NAV3: variants seen among roughly 807,000 people sequenced by gnomAD.
NAV3 encodes the protein neuron navigator 3.
In NAV3, 87 loss-of-function variants were observed where a neutral mutation model predicts 244.7. The ratio of observed to expected loss-of-function variants is 0.36; its 90% CI spans 0.30 to 0.42. The LOEUF (loss-of-function observed/expected upper bound fraction) is 0.42. NAV3 is among the 20% of genes least tolerant of loss of function. The probability of loss-of-function intolerance (pLI) is 1.00; values close to 1 mark genes in which losing one functional copy is unlikely to be tolerated. For missense variants in NAV3, 2,663 were observed against 2,893.3 expected (o/e 0.92, Z 1.83); for synonymous variants, 1,126 against 1,042.2 (o/e 1.08, Z -1.55).
At chr12:77,708,731 G>T (rs1205923189) in intron 2 of NAV3, among the ~76,000 whole-genome samples, 1 of 152,122 alleles carries the variant, frequency 6.6e-6, no homozygotes. Flanking sequence ...CCTCTTTTAT[G>T]TTGTTGAGCA....
Position 78,013,347 on chromosome 12 carries a change from A to T in NAV3, c.1907+5902A>T, listed in dbSNP as rs1455941705. Among the ~76,000 whole-genome samples, 3 of 152,134 alleles carry T rather than the reference A, an allele frequency of 2.0e-5. No individual in the cohort carries two copies. The South Asian group carries it at 6.2e-4, about 31-fold the overall frequency. On this transcript the variant is annotated intron_variant, in intron 8 of 39. Coordinates refer to ENST00000397909, the MANE Select transcript of NAV3 (RefSeq NM_001024383.2). Reference sequence around the variant, plus strand: ...TCCCCAGGAGTGAAATAGATTTGTTATACTGAGGCTTCAAAAAAGTGAAAA... The same window carrying T: ...TCCCCAGGAGTGAAATAGATTTGTTTTACTGAGGCTTCAAAAAAGTGAAAA...
chr12:78,206,571 A>G lies in NAV3; in HGVS notation c.7038+1433A>G, dbSNP rs148451534. 2.9e-3 allele frequency among the ~76,000 whole-genome samples: 444 copies of G among 152,226 alleles called. 1 individual carries two copies. The highest frequency in any genetic ancestry group is 0.01 in the African/African-American group (417 of 41,564). On this transcript the variant is annotated intron_variant, in intron 39 of 39. Transcript: ENST00000397909. Reference sequence around the variant, plus strand: ...TGCCCACAACTTTCCCAATTCTCATAGTCCAGCTCAGCTCACCCCATAAAG... The same window carrying G: ...TGCCCACAACTTTCCCAATTCTCATGGTCCAGCTCAGCTCACCCCATAAAG...
chr12:77,653,026 TAAA>T (rs879428956), intron 2 of NAV3, among the ~76,000 whole-genome samples: 18 of 151,016 alleles, frequency 1.2e-4, no homozygotes, highest in Admixed American at 1.2e-3. Context: ...CCTAGTCAAA[TAAA>T]TTTAAGAAAC....
chr12:77,909,953 T>G (rs142361367), intron 1 of NAV3, among the ~76,000 whole-genome samples: 2,663 of 152,166 alleles, frequency 0.018, 36 homozygotes, highest in Non-Finnish European at 0.03. Flanking sequence ...TTAAATGCCT[T>G]TGTTGTTTTC....
intron 5 of NAV3, among the ~76,000 whole-genome samples, chr12:77,989,275 G>A (rs1871060739): frequency 6.6e-6 from 1 of 152,046 alleles, no homozygotes; most frequent in African/African-American, 2.4e-5. Context: ...CATAAAAACG[G>A]GATGGCAGTA....
chr12:78,086,320 T>C (rs1337574824), intron 12 of NAV3, among the ~76,000 whole-genome samples: 1 of 152,104 alleles, frequency 6.6e-6, no homozygotes, highest in Non-Finnish European at 1.5e-5. Context: ...TTTTGAAAAT[T>C]TTATTGACAA....
At chr12:77,738,608 G>C (rs1289623692) in intron 2 of NAV3, among the ~76,000 whole-genome samples, 3 of 152,144 alleles carry the variant, frequency 2.0e-5, no homozygotes, top group Non-Finnish European at 1.5e-5. Context: ...GATTACACAG[G>C]CATATGCATT....
intron 2 of NAV3, among the ~76,000 whole-genome samples, chr12:77,650,523 C>A (rs1415355931): frequency 6.6e-6 from 1 of 152,048 alleles, no homozygotes; most frequent in Non-Finnish European, 1.5e-5. Context: ...TAGCCCAATG[C>A]AGGATTTTAA....
intron 9 of NAV3, among the ~76,000 whole-genome samples, chr12:78,049,160 A>G (rs1478182556): frequency 6.6e-6 from 1 of 152,146 alleles, no homozygotes; most frequent in Non-Finnish European, 1.5e-5. Context: ...TGGGCTCCAC[A>G]GGGGTGGGAT....
chr12:77,633,568 T>C (rs1447599706), intron 2 of NAV3, among the ~76,000 whole-genome samples: 1 of 152,034 alleles, frequency 6.6e-6, no homozygotes, highest in African/African-American at 2.4e-5. Context: ...TCTCAGACAG[T>C]TTCAAAATAT....
chr12:78,159,515 A>C (rs927197052), intron 23 of NAV3, among the ~76,000 whole-genome samples: 1 of 151,934 alleles, frequency 6.6e-6, no homozygotes, highest in Non-Finnish European at 1.5e-5. Flanking sequence ...AACACACACA[A>C]AAAATTAGCT....
At chr12:78,087,900 G>C (rs1286889316) in intron 12 of NAV3, among the ~76,000 whole-genome samples, 1 of 151,684 alleles carries the variant, frequency 6.6e-6, no homozygotes, top group African/African-American at 2.4e-5. Context: ...TAATTAATAT[G>C]AACTATTATG....
rs117461573 is a variant in NAV3 at position 77,692,530 on chromosome 12, A to T, written c.72+120264A>T. Among the ~76,000 whole-genome samples, 39 of 152,218 alleles carry T rather than the reference A, an allele frequency of 2.6e-4. No individual in the cohort carries two copies. In the East Asian group the frequency reaches 7.4e-3, roughly 29 times the overall value. ...CTTTACTAAGCATGGGGTATGATAC[A>T]GTAAACCTCGCTCTATGCACTAATC... On this transcript the variant is annotated intron_variant, in intron 2 of 8. Transcript: ENST00000550042.
chr12:77,985,331 G>A (rs539580593), intron 5 of NAV3, among the ~76,000 whole-genome samples: 2 of 152,234 alleles, frequency 1.3e-5, no homozygotes, highest in African/African-American at 4.8e-5. Context: ...TCAGAATAAC[G>A]AGAACACTGA....
chr12:78,071,727 A>G (rs300422), intron 12 of NAV3, among the ~76,000 whole-genome samples: 56,684 of 151,818 alleles, frequency 0.37, 10,650 homozygotes, highest in African/African-American at 0.43. Flanking sequence ...TTATTAAATA[A>G]GGAATCCTTT....
intron 3 of NAV3, among the ~76,000 whole-genome samples, chr12:77,961,387 T>C (rs969177263): frequency 1.7e-5 from 1 of 58,362 alleles, no homozygotes; most frequent in Non-Finnish European, 4.9e-5. Flanking sequence ...TTAATATAAA[T>C]ACATTATATA....
At chr12:77,589,922 T>C (rs11105813) in intron 2 of NAV3, among the ~76,000 whole-genome samples, 27,873 of 152,274 alleles carry the variant, frequency 0.18, 2,878 homozygotes, top group Admixed American at 0.25. Context: ...CTTAATCACA[T>C]TTCTCTGTAA....
At chr12:78,173,859 TAC>T (rs1305586828) in intron 24 of NAV3, among the ~76,000 whole-genome samples, 1 of 151,566 alleles carries the variant, frequency 6.6e-6, no homozygotes, top group Non-Finnish European at 1.5e-5. Context: ...GATACACATA[TAC>T]ACACACACAT....
chr12:77,634,146 C>G (rs1182311655), intron 2 of NAV3, among the ~76,000 whole-genome samples: 1 of 148,428 alleles, frequency 6.7e-6, no homozygotes, highest in Non-Finnish European at 1.5e-5. Context: ...TTACCAGAGT[C>G]CTTTGGGATT....
Sources: gnomAD v4.1 joint callset for allele counts (sites outside exome capture counted in the v4.1 genomes callset) on GRCh38, gnomAD v4.1.1 for gene constraint, MANE v1.5 for transcripts, NCBI Gene and HGNC (gene_info 2026-07-23, HGNC 2026-07-21) for gene names.